Variants in HLA-DRB5 observed in about 807,000 individuals in gnomAD.
HLA-DRB5 encodes the protein DR beta-5.
A neutral mutation model predicts 22.4 loss-of-function variants in HLA-DRB5; 11 were observed. That is an observed-to-expected ratio of 0.49 (90% CI 0.31 to 0.81). The LOEUF is 0.81. Among genes scored for constraint, HLA-DRB5 ranks in the 40% least tolerant of loss-of-function variants. HLA-DRB5 has a pLI of 0.05. For synonymous variants in HLA-DRB5, 57 were observed against 106.0 expected (o/e 0.54, Z 2.84); for missense variants, 106 against 274.4 (o/e 0.39, Z 4.34).
rs190474942 is a variant in HLA-DRB5 at position 32,528,500 on chromosome 6, A to G, written c.100+1625T>C. Among the ~76,000 whole-genome samples, 7 of 44,300 alleles carry G rather than the reference A, an allele frequency of 1.6e-4. 2 individuals are homozygous for G. The highest frequency in any genetic ancestry group is 6.1e-4 in the African/African-American group (7 of 11,496). 29.1% of individuals were successfully genotyped at this position (44,300 alleles called of 152,430 possible). A position where few individuals can be genotyped will look rare whatever the true frequency, so the allele number is the denominator to read the frequency against. ...ATCCTGGAAAGCAAGAAGGGGCTCG[A>G]GCTCCAGCACTCTTTCAATTTGATG... On this transcript the variant is annotated intron_variant, in intron 1 of 5. Transcript: ENST00000374975.
intron 1 of HLA-DRB5, among the ~76,000 whole-genome samples, chr6:32,529,220 C>T: frequency 7.7e-6 from 1 of 129,788 alleles, no homozygotes; most frequent in Non-Finnish European, 1.7e-5. Flanking sequence ...CTCTCTGTAA[C>T]CCCACACAGA....
chr6:32,529,420 CA>C (rs1770061870), intron 1 of HLA-DRB5, among the ~76,000 whole-genome samples: 12 of 26,750 alleles, frequency 4.5e-4, no homozygotes, highest in Non-Finnish European at 6.5e-4. Flanking sequence ...TAACCTGGGC[CA>C]GGTTTTTAGA....
intron 2 of HLA-DRB5, among the ~76,000 whole-genome samples, chr6:32,519,943 G>A (rs1283131438): frequency 1.1e-5 from 1 of 87,148 alleles, no homozygotes; most frequent in East Asian, 3.3e-4. Flanking sequence ...AATTAAAACT[G>A]ATACCTGAGC....
rs1479992967 is a variant in HLA-DRB5 at position 32,524,907 on chromosome 6, G to T, written c.101-2733C>A. Among the ~76,000 whole-genome samples, 141 of 27,390 alleles carry T rather than the reference G, an allele frequency of 5.1e-3. 11 individuals are homozygous for T. Among genetic ancestry groups the T allele is most frequent in the East Asian group, 8.4e-3 (8 of 958 alleles). The allele number at this position is 27,390 out of a possible 152,430, so 18.0% of individuals were successfully genotyped here. A position where few individuals can be genotyped will look rare whatever the true frequency, so the allele number is the denominator to read the frequency against. ...TTCAGATTTAACTAGGAACCTGTTT[G>T]TTATCTGACAACCCTAGCCAGACTT... On this transcript the variant is annotated intron_variant, in intron 1 of 5. Coordinates refer to ENST00000374975, the MANE Select transcript of HLA-DRB5 (RefSeq NM_002125.4).
intron 2 of HLA-DRB5, among the ~76,000 whole-genome samples, chr6:32,520,908 A>G (rs71547391): frequency 0.13 from 5,296 of 41,312 alleles, 62 homozygotes; most frequent in Middle Eastern, 0.27. Context: ...AACCCACAAA[A>G]TCACTGAGAA....
intron 2 of HLA-DRB5, among the ~76,000 whole-genome samples, chr6:32,520,761 A>ATTTCACAATATATTT (rs1768747333): frequency 5.4e-4 from 26 of 48,130 alleles, no homozygotes; most frequent in East Asian, 1.7e-3. Flanking sequence ...CATTAATAAA[A>ATTTCACAATATATTT]GTTTTGGAAT....
chr6:32,525,052 T>TCCA (rs1434425041), intron 1 of HLA-DRB5, among the ~76,000 whole-genome samples: 1 of 46,614 alleles, frequency 2.1e-5, no homozygotes, highest in Admixed American at 2.7e-4. Context: ...AAGTTTCTTT[T>TCCA]ATACATTGGA....
At chr6:32,525,897 TGGGCTGTGTGAAATAC>T (rs1380599986) in intron 1 of HLA-DRB5, among the ~76,000 whole-genome samples, 619 of 40,618 alleles carry the variant, frequency 0.015, no homozygotes, top group Middle Eastern at 0.019. Flanking sequence ...CTAATAAATA[TGGGCTGTGTGAAATAC>T]TGGCTGTGTG....
chr6:32,524,832 A>G (rs1022329116), intron 1 of HLA-DRB5, among the ~76,000 whole-genome samples: 6,645 of 60,746 alleles, frequency 0.11, 1,521 homozygotes, highest in African/African-American at 0.13. Flanking sequence ...AAACCAGAGG[A>G]TGCCCAGGTA....
chr6:32,522,324 C>T lies in HLA-DRB5; in HGVS notation c.101-150G>A, dbSNP rs537961040. 2 of 205,490 alleles carry T rather than the reference C, an allele frequency of 9.7e-6. 1 individual carries two copies. Among genetic ancestry groups the T allele is most frequent in the African/African-American group, 1.2e-4 (2 of 16,174 alleles). 12.7% of individuals were successfully genotyped at this position (205,490 alleles called of 1,614,324 possible). ...ACCCCGACCACGCGCAGCCCAGAGG[C>T]TCATCCTCCGTCTTCCTGAGGCGAA... On this transcript the variant is annotated intron_variant, in intron 1 of 5. Coordinates refer to ENST00000374975, the MANE Select transcript of HLA-DRB5 (RefSeq NM_002125.4).
intron 2 of HLA-DRB5, among the ~76,000 whole-genome samples, chr6:32,521,049 T>TGAC (rs1190076914): frequency 3.9e-5 from 1 of 25,818 alleles, no homozygotes; most frequent in African/African-American, 1.5e-4. Flanking sequence ...GAATTCCAAA[T>TGAC]AAAAAAATAA....
intron 2 of HLA-DRB5, among the ~76,000 whole-genome samples, chr6:32,520,677 T>A (rs115469977): frequency 0.14 from 4,648 of 33,068 alleles, 451 homozygotes; most frequent in East Asian, 0.21. Flanking sequence ...AATAAATACA[T>A]TTTTTTTAAG....
At chr6:32,523,064 G>T (rs7767013) in intron 1 of HLA-DRB5, among the ~76,000 whole-genome samples, 9,748 of 80,786 alleles carry the variant, frequency 0.12, 8 homozygotes, top group Middle Eastern at 0.2. Flanking sequence ...GCCAGGTATT[G>T]AAAAGCGTTG....
chr6:32,524,740 G>GTTGCTT (rs780988294), intron 1 of HLA-DRB5, among the ~76,000 whole-genome samples: 3,908 of 72,518 alleles, frequency 0.054, 3 homozygotes, highest in East Asian at 0.13. Context: ...CATTTGTAAA[G>GTTGCTT]TCACTGTCAC....
rs1211109094 is a variant in HLA-DRB5 at position 32,526,803 on chromosome 6, G to C, written c.100+3322C>G. Among the ~76,000 whole-genome samples the C allele has an allele frequency of 7.5e-5, 2 of 26,808 alleles. 1 individual carries two copies. The highest frequency in any genetic ancestry group is 1.6e-4 in the Non-Finnish European group (2 of 12,744). The allele number at this position is 26,808 out of a possible 152,430, so 17.6% of individuals were successfully genotyped here. A position where few individuals can be genotyped will look rare whatever the true frequency, so the allele number is the denominator to read the frequency against. On this transcript the variant is annotated intron_variant, in intron 1 of 5. Coordinates refer to ENST00000374975, the MANE Select transcript of HLA-DRB5 (RefSeq NM_002125.4). ...CAAAGTGCTGGGATTACAGGCATGA[G>C]TCACTGCGCCTGGCCCACCATGAGT...
chr6:32,528,336 TGA>T (rs1163485763), intron 1 of HLA-DRB5, among the ~76,000 whole-genome samples: 39,676 of 67,510 alleles, frequency 0.59, 9,403 homozygotes, highest in Middle Eastern at 0.67. Context: ...TGTGTAACCT[TGA>T]GAGTCGGGAC....
At chr6:32,529,696 A>G (rs796298231) in intron 1 of HLA-DRB5, among the ~76,000 whole-genome samples, 9,684 of 64,648 alleles carry the variant, frequency 0.15, 423 homozygotes, top group Middle Eastern at 0.21. Flanking sequence ...AGGTTCTGTC[A>G]AGGGCATAAC....
rs1467653144 is a variant in HLA-DRB5 at position 32,526,752 on chromosome 6, C to G, written c.100+3373G>C. Among the ~76,000 whole-genome samples the G allele has an allele frequency of 1.6e-4, 6 of 38,266 alleles. 3 individuals carry two copies. The highest frequency in any genetic ancestry group is 6.0e-4 in the African/African-American group (6 of 10,020). 25.1% of individuals were successfully genotyped at this position (38,266 alleles called of 152,430 possible). On this transcript the variant is annotated intron_variant, in intron 1 of 5. Transcript: ENST00000374975. ...GCCAGGAAGGTCTTGATCTCCTGAC[C>G]TGGTGATCCGCCTGTCTAGGCCTCC...
Position 32,518,112 on chromosome 6 carries a change from G to C in HLA-DRB5, c.764-35C>G, listed in dbSNP as rs113532078. ...AGAGGAAAAGATATACACTTAAAAG[G>C]TATGGAAGCAAATCTATTCTCCCAA... On this transcript the variant is annotated intron_variant, in intron 4 of 5. Transcript: ENST00000374975. 7 of 412,274 alleles carry C rather than the reference G, an allele frequency of 1.7e-5. 3 individuals carry two copies. Among genetic ancestry groups the C allele is most frequent in the Non-Finnish European group, 2.4e-5 (7 of 296,110 alleles). 25.5% of individuals were successfully genotyped at this position (412,274 alleles called of 1,614,324 possible). A position where few individuals can be genotyped will look rare whatever the true frequency, so the allele number is the denominator to read the frequency against.
Sources: allele counts gnomAD v4.1 joint callset (sites outside exome capture counted in the v4.1 genomes callset), GRCh38; gene constraint gnomAD v4.1.1; transcripts MANE v1.5; gene names NCBI Gene and HGNC (gene_info 2026-07-23, HGNC 2026-07-21).